SAMD8: variants seen among roughly 807,000 people sequenced by gnomAD.
SAMD8 encodes sterile alpha motif domain containing 8.
In SAMD8, 20 loss-of-function variants were observed where a neutral mutation model predicts 42.0. The observed-to-expected ratio is 0.48, with a 90% CI of 0.34 to 0.69. The LOEUF (loss-of-function observed/expected upper bound fraction) is 0.69. Ranked by LOEUF, SAMD8 falls within the 30% of genes least tolerant of loss-of-function variation. SAMD8 has a pLI of 0.01. For synonymous variants in SAMD8, 162 were observed against 173.0 expected, an observed-to-expected ratio of 0.94 and a Z score of 0.50; for missense variants, 328 against 511.6, an observed-to-expected ratio of 0.64 and a Z score of 3.46.
chr10:75,140,511 A>C (rs1839987898), intron 1 of SAMD8, among the ~76,000 whole-genome samples: 1 of 152,204 alleles, frequency 6.6e-6, no homozygotes, highest in Admixed American at 6.5e-5. Flanking sequence ...GTGACTAAGA[A>C]AGGGAGATTA....
At chr10:75,134,840 T>C (rs1002469229) in intron 1 of SAMD8, among the ~76,000 whole-genome samples, 46 of 151,914 alleles carry the variant, frequency 3.0e-4, no homozygotes, top group African/African-American at 1.1e-3. Context: ...GAAGATCACT[T>C]GGGCCTAGAA....
At chr10:75,144,552 C>T (rs1047135496) in intron 1 of SAMD8, among the ~76,000 whole-genome samples, 6 of 152,194 alleles carry the variant, frequency 3.9e-5, no homozygotes, top group African/African-American at 1.4e-4. Flanking sequence ...TAAGGCTCAT[C>T]CATGTTGTAG....
In SAMD8 at chr10:75,117,701, G is replaced by A. The variant is rs1181372089; in HGVS notation, c.-16+5979G>A. ...CATTATACTCCAGCCTGGGCTACAA[G>A]AGTGAAATGCTTTCTCAAACAAACA... On this transcript the variant is annotated intron_variant, in intron 1 of 5. Transcript: ENST00000542569. Among the ~76,000 whole-genome samples, 3 of 152,280 alleles carry A rather than the reference G, an allele frequency of 2.0e-5. No individual in the cohort carries two copies. The East Asian group carries it at 5.8e-4, about 29-fold the overall frequency.
chr10:75,159,063 C>CTTTTTTT (rs530043259), intron 2 of SAMD8, among the ~76,000 whole-genome samples: 31,306 of 132,370 alleles, frequency 0.24, 4,280 homozygotes, highest in African/African-American at 0.37. Flanking sequence ...TTTTCTTTTT[C>CTTTTTTT]TTTTTTTTTT....
chr10:75,112,973 T>G (rs1162180964), intron 1 of SAMD8, among the ~76,000 whole-genome samples: 1 of 152,212 alleles, frequency 6.6e-6, no homozygotes, highest in East Asian at 1.9e-4. Context: ...AGGATTGGAC[T>G]TATCTCTTGA....
At chr10:75,169,147 G>A (rs1204379080) in intron 4 of SAMD8, among the ~76,000 whole-genome samples, 1 of 118,644 alleles carries the variant, frequency 8.4e-6, no homozygotes, top group East Asian at 3.0e-4. Flanking sequence ...TCCAGCCTGG[G>A]CAACAGAGCG....
At chr10:75,105,887 T>C in intron 1 of SAMD8, 1 of 1,544,002 alleles carries the variant, frequency 6.5e-7, no homozygotes, top group Non-Finnish European at 8.8e-7. Context: ...GACATCCTGG[T>C]GAAAAACCCT....
intron 1 of SAMD8, among the ~76,000 whole-genome samples, chr10:75,145,766 G>A (rs1027737749): frequency 6.6e-6 from 1 of 152,202 alleles, no homozygotes; most frequent in Non-Finnish European, 1.5e-5. Flanking sequence ...AATGTTCCAG[G>A]AAGTGGGGAG....
chr10:75,151,055 G>T lies in SAMD8; in HGVS notation c.527G>T (p.Arg176Leu), dbSNP rs765780958. The T allele has an allele frequency of 6.4e-7, 1 of 1,571,330 alleles. No homozygotes were observed. The highest frequency in any genetic ancestry group is 1.9e-5 in the Admixed American group (1 of 53,624). ...TSFIMVIVHE[R>L]VPDMQTYPPL... ...TTCATTATGGTTATAGTCCATGAGC[G>T]AGTGCCTGACATGCAGACCTATCCA... The change falls in exon 2 of 6, where the codon CGA becomes CTA. Residue 176 changes from arginine to leucine, a missense_variant. Coordinates refer to ENST00000542569, the MANE Select transcript of SAMD8 (RefSeq NM_001174156.2).
chr10:75,128,301 G>T (rs994488183), intron 1 of SAMD8, among the ~76,000 whole-genome samples: 4 of 152,010 alleles, frequency 2.6e-5, no homozygotes, highest in African/African-American at 4.8e-5. Flanking sequence ...TGGAACTCCT[G>T]ACCTCAAGTG....
chr10:75,144,369 C>T lies in SAMD8; in HGVS notation c.-15-6145C>T, dbSNP rs899263841. The stretch of plus-strand genomic sequence containing the variant: ...AGAACTTTTAAAAAATCTTCCCAAA[C>T]TGAAATTCTGTACCTATTAAAAAAT... On this transcript the variant is annotated intron_variant, in intron 1 of 5. Transcript: ENST00000542569. Among the ~76,000 whole-genome samples, 18 of 149,208 alleles carry T rather than the reference C, an allele frequency of 1.2e-4. 2 individuals carry two copies. The highest frequency in any genetic ancestry group is 4.4e-4 in the African/African-American group (17 of 38,626).
chr10:75,107,965 GAT>G (rs1848618070), upstream of SAMD8: 1 of 1,592,920 alleles, frequency 6.3e-7, no homozygotes, highest in African/African-American at 1.3e-5. Context: ...AGCAAGATGG[GAT>G]ATGGGCTTGG....
intron 1 of SAMD8, among the ~76,000 whole-genome samples, chr10:75,100,670 C>T (rs780729746): frequency 3.9e-5 from 6 of 152,204 alleles, no homozygotes; most frequent in Non-Finnish European, 5.9e-5. Flanking sequence ...TGCTCCTCCT[C>T]GCCCCCTTCC....
At chr10:75,129,361 C>T (rs538462803) in intron 1 of SAMD8, among the ~76,000 whole-genome samples, 16 of 152,262 alleles carry the variant, frequency 1.1e-4, no homozygotes, top group African/African-American at 3.9e-4. Flanking sequence ...CTGCCTCAGT[C>T]TCCCAAGTAG....
rs1840999116 is a variant in SAMD8 at position 75,176,781 on chromosome 10, A to G, written c.*89A>G. 2 of 960,604 alleles carry G rather than the reference A, an allele frequency of 2.1e-6. No individual in the cohort carries two copies. Among genetic ancestry groups the G allele is most frequent in the African/African-American group, 3.3e-5 (2 of 60,320 alleles). 59.5% of individuals were successfully genotyped at this position (960,604 alleles called of 1,614,324 possible). A position where few individuals can be genotyped will look rare whatever the true frequency, so the allele number is the denominator to read the frequency against. On this transcript the variant is annotated 3_prime_UTR_variant, in exon 6 of 6. Coordinates refer to ENST00000542569, the MANE Select transcript of SAMD8 (RefSeq NM_001174156.2). The surrounding 1 kb of genome is among the most constrained non-coding windows in gnomAD (Gnocchi z 4.3). ...CGTTCTCCCCCTAGGTTGTTCTTAG[A>G]TGCCTGGCTTATGTGTTGACAAAGT...
chr10:75,156,088 C>T (rs974205318), intron 2 of SAMD8, among the ~76,000 whole-genome samples: 1 of 152,064 alleles, frequency 6.6e-6, no homozygotes, highest in African/African-American at 2.4e-5. Context: ...TGTATGCCTG[C>T]AGTCCCAGCT....
chr10:75,119,345 C>T (rs1227917731), intron 1 of SAMD8, among the ~76,000 whole-genome samples: 6 of 151,966 alleles, frequency 3.9e-5, no homozygotes, highest in Non-Finnish European at 7.4e-5. Flanking sequence ...TTAGTAGAGA[C>T]GGGGTTTCTC....
chr10:75,168,524 T>G lies in SAMD8; in HGVS notation c.675-17T>G. Reference sequence around the variant, plus strand: ...TTTTCTTCTGATCTTTCCCCCTTTTTGGTTGATCTGTTACAGGTCAATACT... The same window carrying G: ...TTTTCTTCTGATCTTTCCCCCTTTTGGGTTGATCTGTTACAGGTCAATACT... On this transcript the variant is annotated splice_polypyrimidine_tract_variant and intron_variant, in intron 3 of 5. Coordinates refer to ENST00000542569, the MANE Select transcript of SAMD8 (RefSeq NM_001174156.2). The G allele has an allele frequency of 1.2e-6, 2 of 1,607,926 alleles. No homozygotes were observed. Among genetic ancestry groups the G allele is most frequent in the Non-Finnish European group, 1.7e-6 (2 of 1,175,194 alleles).
In SAMD8 at chr10:75,168,678, A is replaced by G. The variant is rs1328870544; in HGVS notation, c.792+20A>G. On this transcript the variant is annotated intron_variant, in intron 4 of 5. Transcript: ENST00000542569. ...GGAAAGGTAGCCTGCTACCTTCTTTATCATTCTTGTTTTTGGTGGGTTGAT... is the reference window on the plus strand; with the variant it reads ...GGAAAGGTAGCCTGCTACCTTCTTTGTCATTCTTGTTTTTGGTGGGTTGAT... 5 of 1,499,946 alleles carry G rather than the reference A, an allele frequency of 3.3e-6. No individual in the cohort carries two copies. In the African/African-American group the frequency reaches 6.9e-5, roughly 21 times the overall value. The allele number at this position is 1,499,946 out of a possible 1,614,324, so 92.9% of individuals were successfully genotyped here.
Sources: allele counts gnomAD v4.1 joint callset (sites outside exome capture counted in the v4.1 genomes callset), GRCh38; gene constraint gnomAD v4.1.1; non-coding constraint Gnocchi (gnomAD v3.1); transcripts MANE v1.5; gene names NCBI Gene and HGNC (gene_info 2026-07-23, HGNC 2026-07-21).